The following SNX9 variants were observed in gnomAD, a reference collection of about 807,000 sequenced individuals.
SNX9 encodes the protein sorting nexin 9, also known as sorting nexin-9.
In SNX9, 44 loss-of-function variants were observed where a neutral mutation model predicts 89.4. The observed-to-expected ratio is 0.49, with a 90% CI of 0.39 to 0.63. The LOEUF (loss-of-function observed/expected upper bound fraction) is 0.63, where lower values mean the gene tolerates loss of function less well. Among genes scored for constraint, SNX9 ranks in the 30% least tolerant of loss-of-function variants. The pLI is 0.00. For missense variants in SNX9, 578 were observed against 736.1 expected (o/e 0.79, Z 2.49); for synonymous variants, 236 against 247.8 (o/e 0.95, Z 0.45).
intron 4 of SNX9, chr6:157,892,721 A>C (rs1398276224): frequency 2.6e-5 from 4 of 152,184 alleles, no homozygotes; most frequent in Non-Finnish European, 5.9e-5. Flanking sequence ...TCTTGATGAA[A>C]ATCCTTCCTG....
At chr6:157,874,849 G>A (rs554660573) in intron 3 of SNX9, 7 of 470,210 alleles carry the variant, frequency 1.5e-5, no homozygotes, top group African/African-American at 8.0e-5. Flanking sequence ...AAGAAATCTC[G>A]AGAAATTAAA....
intron 1 of SNX9, among the ~76,000 whole-genome samples, chr6:157,843,018 A>G (rs1781732375): frequency 6.6e-6 from 1 of 152,204 alleles, no homozygotes; most frequent in Admixed American, 6.5e-5. Context: ...GTGCTCAGGA[A>G]TGAACAAGGA....
At chr6:157,899,805 A>G (rs1183682654) in intron 5 of SNX9, among the ~76,000 whole-genome samples, 3 of 152,152 alleles carry the variant, frequency 2.0e-5, no homozygotes, top group African/African-American at 7.2e-5. Flanking sequence ...TGAGGTATAC[A>G]GCGTGATGTT....
chr6:157,868,878 T>C (rs1221128302), intron 2 of SNX9, among the ~76,000 whole-genome samples: 1 of 152,232 alleles, frequency 6.6e-6, no homozygotes, highest in Non-Finnish European at 1.5e-5. Context: ...TTCGTGACAC[T>C]GCCCTGTGCA....
chr6:157,872,619 C>G (rs1170097224), intron 2 of SNX9: 1 of 152,538 alleles, frequency 6.6e-6, no homozygotes, highest in Non-Finnish European at 1.5e-5. Flanking sequence ...ATCTAGCAAC[C>G]CACATTAATT....
intron 4 of SNX9, among the ~76,000 whole-genome samples, chr6:157,876,489 A>G (rs1201050579): frequency 1.3e-5 from 2 of 152,244 alleles, no homozygotes; most frequent in African/African-American, 4.8e-5. Context: ...GTGAGTTTAT[A>G]TAAGTTTATC....
chr6:157,932,585 G>T (rs1268291971), intron 13 of SNX9, among the ~76,000 whole-genome samples: 1 of 152,062 alleles, frequency 6.6e-6, no homozygotes, highest in Non-Finnish European at 1.5e-5. Flanking sequence ...GCCAGATTTG[G>T]CTGGGCACAG....
Position 157,943,396 on chromosome 6 carries a change from C to T in SNX9, c.*558C>T, listed in dbSNP as rs1784082850. On this transcript the variant is annotated 3_prime_UTR_variant, in exon 18 of 18. Coordinates refer to ENST00000392185, the MANE Select transcript of SNX9 (RefSeq NM_016224.5). ...AGTTACAGCTCAAGTGCTTACACTTCAAGAGGGAGGACGCTGGGGGCCCCT... is the reference window on the plus strand; with the variant it reads ...AGTTACAGCTCAAGTGCTTACACTTTAAGAGGGAGGACGCTGGGGGCCCCT... The T allele has an allele frequency of 6.6e-6, 1 of 152,334 alleles. No homozygotes were observed. The highest frequency in any genetic ancestry group is 1.5e-5 in the Non-Finnish European group (1 of 68,134). The allele number at this position is 152,334 out of a possible 1,614,324, so 9.4% of individuals were successfully genotyped here.
intron 5 of SNX9, among the ~76,000 whole-genome samples, chr6:157,901,553 A>G (rs1421614966): frequency 1.3e-5 from 2 of 151,038 alleles, no homozygotes; most frequent in Non-Finnish European, 2.9e-5. Context: ...ATTCTTTTGC[A>G]TGTAGATACC....
chr6:157,905,001 A>G (rs1475991319), intron 6 of SNX9, among the ~76,000 whole-genome samples: 1 of 152,228 alleles, frequency 6.6e-6, no homozygotes, highest in African/African-American at 2.4e-5. Flanking sequence ...AGTACATACT[A>G]GGTTCTTTAC....
chr6:157,922,690 A>T (rs892531064), intron 10 of SNX9, among the ~76,000 whole-genome samples: 8 of 152,214 alleles, frequency 5.3e-5, no homozygotes, highest in African/African-American at 1.9e-4. Flanking sequence ...GTGATATGTT[A>T]TATGTCACCA....
chr6:157,929,592 A>G (rs1470099836), intron 12 of SNX9, among the ~76,000 whole-genome samples: 1 of 152,212 alleles, frequency 6.6e-6, no homozygotes, highest in Non-Finnish European at 1.5e-5. Flanking sequence ...ATACAGGAAT[A>G]TTGGTTGTAT....
intron 1 of SNX9, among the ~76,000 whole-genome samples, chr6:157,841,529 C>T (rs1395395320): frequency 6.6e-6 from 1 of 152,116 alleles, no homozygotes; most frequent in Admixed American, 6.5e-5. Context: ...TTAATTGGTT[C>T]CAGGAGGTCA....
chr6:157,893,837 G>T (rs1782914010), intron 4 of SNX9, among the ~76,000 whole-genome samples: 1 of 152,122 alleles, frequency 6.6e-6, no homozygotes, highest in Non-Finnish European at 1.5e-5. Context: ...TTAAGCTGAT[G>T]CTAAAGTTTA....
chr6:157,895,750 T>G (rs1293323523), intron 4 of SNX9, among the ~76,000 whole-genome samples: 1 of 152,190 alleles, frequency 6.6e-6, no homozygotes, highest in Non-Finnish European at 1.5e-5. Flanking sequence ...GTTAGTAGCA[T>G]GAAACAAAAA....
At chr6:157,844,600 G>GTTTTTTTTTTTTTT (rs34836632) in intron 1 of SNX9, among the ~76,000 whole-genome samples, 2 of 131,828 alleles carry the variant, frequency 1.5e-5, no homozygotes, top group East Asian at 2.3e-4. Flanking sequence ...TTTTTTTTTT[G>GTTTTTTTTTTTTTT]TTTTTTTTTT....
At chr6:157,904,252 G>A (rs577319746) in intron 6 of SNX9, among the ~76,000 whole-genome samples, 2 of 152,192 alleles carry the variant, frequency 1.3e-5, no homozygotes, top group South Asian at 4.1e-4. Flanking sequence ...TGGCCAACAT[G>A]GTGAAACCTC....
chr6:157,858,966 C>T (rs1562596167), intron 1 of SNX9, among the ~76,000 whole-genome samples: 1 of 152,188 alleles, frequency 6.6e-6, no homozygotes, highest in Non-Finnish European at 1.5e-5. Context: ...GGTGGAGACA[C>T]AGCCAAACCA....
intron 4 of SNX9, among the ~76,000 whole-genome samples, chr6:157,883,401 A>G (rs149578109): frequency 1.6e-4 from 25 of 152,246 alleles, no homozygotes; most frequent in Non-Finnish European, 3.1e-4. Flanking sequence ...GAAACTTCAG[A>G]GTCTCCTCTA....
Sources: gnomAD v4.1 joint callset for allele counts (sites outside exome capture counted in the v4.1 genomes callset) on GRCh38, gnomAD v4.1.1 for gene constraint, MANE v1.5 for transcripts, NCBI Gene and HGNC (gene_info 2026-07-23, HGNC 2026-07-21) for gene names.